NAALADL2: variants seen among roughly 807,000 people sequenced by gnomAD.
NAALADL2 encodes N-acetylated alpha-linked acidic dipeptidase like 2, also known as inactive N-acetylated-alpha-linked acidic dipeptidase-like protein 2.
Under a neutral mutation model 87.2 loss-of-function variants are expected in NAALADL2, and 76 were observed. That is an observed-to-expected ratio of 0.87 (90% CI 0.72 to 1.05). The LOEUF (loss-of-function observed/expected upper bound fraction) is 1.05. NAALADL2 is among the 50% of genes least tolerant of loss of function. The probability of loss-of-function intolerance (pLI) is 0.00; values close to 1 mark genes in which losing one functional copy is unlikely to be tolerated. For synonymous variants in NAALADL2, 354 were observed against 331.0 expected, an observed-to-expected ratio of 1.07 and a Z score of -0.75; for missense variants, 1,089 against 945.8, an observed-to-expected ratio of 1.15 and a Z score of -1.99.
intron 10 of NAALADL2, among the ~76,000 whole-genome samples, chr3:175,592,500 A>G (rs1240647576): frequency 6.6e-6 from 1 of 151,960 alleles, no homozygotes; most frequent in Non-Finnish European, 1.5e-5. Context: ...GTCATCCTAT[A>G]AAGTACTTGG....
chr3:174,686,411 G>A (rs1228072655), intron 2 of NAALADL2, among the ~76,000 whole-genome samples: 1 of 151,988 alleles, frequency 6.6e-6, no homozygotes, highest in East Asian at 1.9e-4. Flanking sequence ...TGACTGGTGT[G>A]AGATGGGATC....
chr3:174,620,589 G>C (rs537693220), intron 2 of NAALADL2, among the ~76,000 whole-genome samples: 2 of 152,022 alleles, frequency 1.3e-5, no homozygotes, highest in African/African-American at 4.8e-5. Context: ...TATTAACAGA[G>C]AATATTTAGG....
At chr3:175,441,229 G>T (rs1011394847) in intron 5 of NAALADL2, among the ~76,000 whole-genome samples, 5 of 151,962 alleles carry the variant, frequency 3.3e-5, no homozygotes, top group African/African-American at 1.2e-4. Flanking sequence ...AGCAAAACTT[G>T]AATTTTCTCC....
chr3:175,505,135 C>A (rs1167611745), intron 9 of NAALADL2, among the ~76,000 whole-genome samples: 1 of 151,974 alleles, frequency 6.6e-6, no homozygotes, highest in Non-Finnish European at 1.5e-5. Context: ...GTGAGAAACT[C>A]TACCTAGTTA....
At chr3:174,846,258 C>T (rs1724603720) in intron 3 of NAALADL2, among the ~76,000 whole-genome samples, 1 of 152,176 alleles carries the variant, frequency 6.6e-6, no homozygotes, top group South Asian at 2.1e-4. Context: ...TGTTGGTATA[C>T]TAGGTTTCTG....
chr3:175,464,287 G>A (rs540742287), intron 7 of NAALADL2, among the ~76,000 whole-genome samples: 1 of 151,888 alleles, frequency 6.6e-6, no homozygotes, highest in African/African-American at 2.4e-5. Flanking sequence ...TTTTCAATGT[G>A]CTTATGAAAA....
At chr3:175,346,752 G>A (rs750991351) in intron 5 of NAALADL2, among the ~76,000 whole-genome samples, 1 of 152,158 alleles carries the variant, frequency 6.6e-6, no homozygotes, top group African/African-American at 2.4e-5. Flanking sequence ...AACTGAGGTC[G>A]AGAGGGTTAA....
At chr3:175,139,736 G>A (rs1173745061) in intron 2 of NAALADL2, among the ~76,000 whole-genome samples, 2 of 152,064 alleles carry the variant, frequency 1.3e-5, no homozygotes, top group Non-Finnish European at 2.9e-5. Context: ...TATATTTGAA[G>A]ATTGCATTAG....
At chr3:175,662,282 C>CT (rs2149814672) in intron 11 of NAALADL2, among the ~76,000 whole-genome samples, 1 of 151,840 alleles carries the variant, frequency 6.6e-6, no homozygotes, top group African/African-American at 2.4e-5. Flanking sequence ...TTCTTGATAT[C>CT]TTTTTCAGAT....
chr3:174,634,210 CT>C (rs1167064112), intron 2 of NAALADL2, among the ~76,000 whole-genome samples: 1 of 152,082 alleles, frequency 6.6e-6, no homozygotes, highest in Non-Finnish European at 1.5e-5. Flanking sequence ...TATTAATACC[CT>C]TTCCTGTTCC....
chr3:174,572,422 T>G, intron 2 of NAALADL2, among the ~76,000 whole-genome samples: 1 of 152,190 alleles, frequency 6.6e-6, no homozygotes, highest in East Asian at 1.9e-4. Flanking sequence ...GCCAAAATCA[T>G]ATAGTAAGCA....
intron 3 of NAALADL2, among the ~76,000 whole-genome samples, chr3:174,754,900 A>G (rs1206816881): frequency 6.6e-6 from 1 of 152,148 alleles, no homozygotes; most frequent in Non-Finnish European, 1.5e-5. Flanking sequence ...TCATTTTGCA[A>G]TGAGAAAACA....
chr3:174,634,676 A>C (rs1722459412), intron 2 of NAALADL2, among the ~76,000 whole-genome samples: 1 of 152,150 alleles, frequency 6.6e-6, no homozygotes, highest in African/African-American at 2.4e-5. Context: ...TGATAGGCTA[A>C]AGTGGACCAA....
intron 2 of NAALADL2, among the ~76,000 whole-genome samples, chr3:175,189,876 A>G (rs1379750055): frequency 6.6e-6 from 1 of 152,222 alleles, no homozygotes; most frequent in Non-Finnish European, 1.5e-5. Flanking sequence ...GACACAGGTA[A>G]CAGAAAAAGA....
intron 9 of NAALADL2, among the ~76,000 whole-genome samples, chr3:175,476,805 A>AAT (rs3040498): frequency 0.61 from 91,650 of 151,470 alleles, 29,796 homozygotes; most frequent in East Asian, 0.89. Flanking sequence ...GTATAAAAAC[A>AAT]ACACGTCTGA....
At chr3:175,131,251 A>G (rs1727803536) in intron 2 of NAALADL2, among the ~76,000 whole-genome samples, 1 of 151,638 alleles carries the variant, frequency 6.6e-6, no homozygotes, top group Non-Finnish European at 1.5e-5. Flanking sequence ...GTCAGCAGAT[A>G]AACAAGTGAA....
intron 1 of NAALADL2, among the ~76,000 whole-genome samples, chr3:174,914,414 G>A (rs1044312275): frequency 6.6e-6 from 1 of 152,060 alleles, no homozygotes; most frequent in Non-Finnish European, 1.5e-5. Context: ...TGAATATTTA[G>A]TATCATATGG....
intron 2 of NAALADL2, among the ~76,000 whole-genome samples, chr3:175,185,207 A>C (rs1283876660): frequency 1.3e-5 from 2 of 152,106 alleles, no homozygotes; most frequent in Non-Finnish European, 2.9e-5. Flanking sequence ...AATTATTTCC[A>C]TTCTGATAAA....
At chr3:174,608,897 T>C (rs989333680) in intron 2 of NAALADL2, among the ~76,000 whole-genome samples, 6 of 151,914 alleles carry the variant, frequency 3.9e-5, no homozygotes, top group Admixed American at 3.3e-4. Flanking sequence ...TGATGAACAT[T>C]GATGCAAAAA....
Sources: allele counts gnomAD v4.1 joint callset (sites outside exome capture counted in the v4.1 genomes callset), GRCh38; gene constraint gnomAD v4.1.1; transcripts MANE v1.5; gene names NCBI Gene and HGNC (gene_info 2026-07-23, HGNC 2026-07-21).